NTNG2: variants seen among roughly 807,000 people sequenced by gnomAD.
NTNG2 encodes netrin G2, also known as netrin-G2.
In NTNG2, 15 loss-of-function variants were observed where a neutral mutation model predicts 47.6. The ratio of observed to expected loss-of-function variants is 0.32; its 90% confidence interval spans 0.21 to 0.49. The LOEUF is 0.49. Among genes scored for constraint, NTNG2 ranks in the 20% least tolerant of loss-of-function variants. The pLI, the probability that NTNG2 is intolerant of heterozygous loss-of-function variation, is 0.99. For synonymous variants in NTNG2, 307 were observed against 324.6 expected (o/e 0.95, Z 0.58); for missense variants, 578 against 764.6 (o/e 0.76, Z 2.88).
chr9:132,241,836 C>A, intron 7 of NTNG2, 40 bp from the exon 8 acceptor site: 1 of 1,428,990 alleles, frequency 7.0e-7, no homozygotes, highest in East Asian at 2.8e-5. Context: ...GGCGGGGGGA[C>A]CGGGCCACCC....
chr9:132,169,715 G>A (rs749622236), intron 2 of NTNG2, among the ~76,000 whole-genome samples: 28 of 152,242 alleles, frequency 1.8e-4, no homozygotes, highest in Non-Finnish European at 2.5e-4. Flanking sequence ...CGGTGCTGGC[G>A]GGACGGCACA....
chr9:132,241,950 C>T lies in NTNG2; in HGVS notation c.1432C>T (p.Pro478Ser), dbSNP rs867234015. 6.4e-7 allele frequency: 1 copy of T among 1,558,040 alleles called. No individual in the cohort carries two copies. The highest frequency in any genetic ancestry group is 1.2e-5 in the South Asian group (1 of 86,006). ...TCLQNQRCAC[P>S]RGYTGVRCEQ... Reference sequence around the variant, plus strand: ...CCTGCAGAACCAGCGCTGCGCCTGCCCGCGCGGCTACACCGGCGTGCGCTG... The same window carrying T: ...CCTGCAGAACCAGCGCTGCGCCTGCTCGCGCGGCTACACCGGCGTGCGCTG... Residue 478 changes from proline (P) to serine (S), a missense_variant, in exon 8 of 8, where the codon CCG (proline) becomes TCG (serine). Coordinates refer to ENST00000393229, the MANE Select transcript of NTNG2 (RefSeq NM_032536.4).
At chr9:132,229,518 T>C (rs537165996) in intron 4 of NTNG2, among the ~76,000 whole-genome samples, 1 of 152,284 alleles carries the variant, frequency 6.6e-6, no homozygotes, top group Non-Finnish European at 1.5e-5. Context: ...AGGGCCCAAC[T>C]TGGAGCCCCC....
In NTNG2 at chr9:132,236,505, C is replaced by G. The variant is rs1314532095; in HGVS notation, c.1055-2599C>G. ...AACAGGTGAGCTGTTCCTTCCAGCTCACATGTTCAAATTTCCTCCAGCCCC... is the reference window on the plus strand; with the variant it reads ...AACAGGTGAGCTGTTCCTTCCAGCTGACATGTTCAAATTTCCTCCAGCCCC... On this transcript the variant is annotated intron_variant, in intron 5 of 7. Coordinates refer to ENST00000393229, the MANE Select transcript of NTNG2 (RefSeq NM_032536.4). The surrounding 1 kb of genome is among the most constrained non-coding windows in gnomAD (Gnocchi z 4.3). Among the ~76,000 whole-genome samples, 1 of 152,216 alleles carries G rather than the reference C, an allele frequency of 6.6e-6. No individual in the cohort carries two copies. The highest frequency in any genetic ancestry group is 1.5e-5 in the Non-Finnish European group (1 of 68,030).
intron 2 of NTNG2, among the ~76,000 whole-genome samples, chr9:132,175,869 C>CA (rs72546236): frequency 0.029 from 4,472 of 152,256 alleles, 193 homozygotes; most frequent in East Asian, 0.092. Context: ...TTGCCAGGTA[C>CA]ATTCTGGGAG....
chr9:132,168,435 G>A (rs1479943093), intron 2 of NTNG2, among the ~76,000 whole-genome samples: 2 of 152,184 alleles, frequency 1.3e-5, no homozygotes, highest in Admixed American at 6.5e-5. Flanking sequence ...CTCATGGGCC[G>A]GCTCTGCTCA....
intron 2 of NTNG2, among the ~76,000 whole-genome samples, chr9:132,168,737 T>C (rs1835679114): frequency 2.0e-5 from 3 of 152,156 alleles, no homozygotes; most frequent in African/African-American, 7.2e-5. Context: ...GGGAGGGTTC[T>C]CCACACGCTC....
chr9:132,189,095 T>A (rs1342125786), intron 2 of NTNG2, among the ~76,000 whole-genome samples: 3 of 139,748 alleles, frequency 2.1e-5, no homozygotes, highest in Non-Finnish European at 4.6e-5. Context: ...TTTTTTTTTT[T>A]AGACAGGGTC....
At chr9:132,189,418 AG>A (rs55962452) in intron 2 of NTNG2, among the ~76,000 whole-genome samples, 50,826 of 151,650 alleles carry the variant, frequency 0.34, 8,549 homozygotes, top group East Asian at 0.37. Context: ...CTTAAAAAAA[AG>A]GTATCATCTC....
At position 132,215,676 on chromosome 9, in the gene NTNG2, G is replaced by A. The variant is rs1839919092; in HGVS notation, c.858-11173G>A. Among the ~76,000 whole-genome samples, 1 of 152,210 alleles carries A rather than the reference G, an allele frequency of 6.6e-6. No individual in the cohort carries two copies. The highest frequency in any genetic ancestry group is 1.9e-4 in the East Asian group (1 of 5,200). On this transcript the variant is annotated intron_variant, in intron 3 of 7. Transcript: ENST00000393229. This position sits in a 1 kb window ranked among gnomAD's most constrained non-coding sequence, Gnocchi z 4.2. The stretch of plus-strand genomic sequence containing the variant: ...TGTCACCTCTTGGGGCGCCCCAGGG[G>A]CCTGGAGAATAGGTTGATTATCTCT...
chr9:132,185,099 C>T (rs1224237615), intron 2 of NTNG2, among the ~76,000 whole-genome samples: 2 of 150,484 alleles, frequency 1.3e-5, no homozygotes, highest in South Asian at 2.1e-4. Flanking sequence ...CTAGAGGGGT[C>T]GGTGGAGGCC....
intron 2 of NTNG2, among the ~76,000 whole-genome samples, chr9:132,189,639 TA>T (rs1172617902): frequency 2.0e-5 from 3 of 151,544 alleles, no homozygotes; most frequent in African/African-American, 7.3e-5. Context: ...CCCTTCAGCT[TA>T]AAAAAAATTT....
In NTNG2 at chr9:132,189,068, C is replaced by CTTTTTTTTTTTTTTTTTTTTTTTT. The variant is rs749756559; in HGVS notation, c.214-8894_214-8871dup. 2.5e-4 allele frequency among the ~76,000 whole-genome samples: 23 copies of CTTTTTTTTTTTTTTTTTTTTTTTT among 93,278 alleles called. 6 individuals carry two copies. Among genetic ancestry groups the CTTTTTTTTTTTTTTTTTTTTTTTT allele is most frequent in the Admixed American group, 8.5e-4 (7 of 8,194 alleles). 61.2% of individuals were successfully genotyped at this position (93,278 alleles called of 152,430 possible). A position where few individuals can be genotyped will look rare whatever the true frequency, so the allele number is the denominator to read the frequency against. On this transcript the variant is annotated intron_variant, in intron 2 of 7. Transcript: ENST00000393229. ...TATGTGAAAAAGGCTTTAAGCCTTT[C>CTTTTTTTTTTTTTTTTTTTTTTTT]TTTTTTTTTTTTTTTTTTTTTTTTT... is the stretch of plus-strand genomic sequence containing the variant.
intron 3 of NTNG2, among the ~76,000 whole-genome samples, chr9:132,213,331 C>CAAAAAAAAAA (rs61393543): frequency 9.6e-6 from 1 of 104,406 alleles, no homozygotes; most frequent in Non-Finnish European, 2.1e-5. Flanking sequence ...GACTCCATCT[C>CAAAAAAAAAA]AAAAAAAAAA....
chr9:132,186,214 CCT>C (rs1248785495), intron 2 of NTNG2, among the ~76,000 whole-genome samples: 2 of 152,104 alleles, frequency 1.3e-5, no homozygotes, highest in East Asian at 3.9e-4. Context: ...GGAGCCTTAC[CCT>C]GTCTGAGACA....
intron 2 of NTNG2, among the ~76,000 whole-genome samples, chr9:132,185,821 AGGGAGGAGGAGGAGGAGT>A (rs746785725): frequency 0.16 from 20,341 of 129,618 alleles, 2,093 homozygotes; most frequent in African/African-American, 0.33. Context: ...CTGTGTGTGC[AGGGAGGAGGAGGAGGAGT>A]GGGAGGAGGA....
chr9:132,178,994 G>T (rs1443458475), intron 2 of NTNG2, among the ~76,000 whole-genome samples: 1 of 137,880 alleles, frequency 7.3e-6, no homozygotes, highest in Non-Finnish European at 1.6e-5. Flanking sequence ...TACTGATGAG[G>T]CACATCCCCC....
At chr9:132,175,512 TGATGCAG>T (rs2131326253) in intron 2 of NTNG2, among the ~76,000 whole-genome samples, 1 of 152,200 alleles carries the variant, frequency 6.6e-6, no homozygotes, top group East Asian at 1.9e-4. Context: ...TGGCCAGCAC[TGATGCAG>T]GGCTCCTTCC....
At chr9:132,202,587 T>C (rs1838855267) in intron 3 of NTNG2, among the ~76,000 whole-genome samples, 1 of 152,222 alleles carries the variant, frequency 6.6e-6, no homozygotes, top group South Asian at 2.1e-4. Context: ...GGAGAGTGGC[T>C]GGCTTCAGAC....
Sources: gnomAD v4.1 joint callset for allele counts (sites outside exome capture counted in the v4.1 genomes callset) on GRCh38, gnomAD v4.1.1 for gene constraint, Gnocchi (gnomAD v3.1) non-coding constraint, MANE v1.5 for transcripts, NCBI Gene and HGNC (gene_info 2026-07-23, HGNC 2026-07-21) for gene names.